The following SI variants were observed in gnomAD, a reference collection of about 807,000 sequenced individuals.
SI encodes sucrase-isomaltase, intestinal.
A neutral mutation model predicts 253.3 loss-of-function variants in SI; 235 were observed. The ratio of observed to expected loss-of-function variants is 0.93; its 90% CI spans 0.83 to 1.03. SI has a LOEUF of 1.03. Ranked by LOEUF, SI falls within the 50% of genes least tolerant of loss-of-function variation. SI has a pLI of 0.00. For synonymous variants in SI, 819 were observed against 712.0 expected, an observed-to-expected ratio of 1.15 and a Z score of -2.39; for missense variants, 2,442 against 2,211.1, an observed-to-expected ratio of 1.10 and a Z score of -2.09.
intron 14 of SI, among the ~76,000 whole-genome samples, chr3:165,049,586 A>C (rs1418048211): frequency 6.6e-6 from 1 of 152,116 alleles, no homozygotes; most frequent in East Asian, 1.9e-4. Flanking sequence ...TTTATGGACC[A>C]ATTTTAAAGC....
Position 164,982,150 on chromosome 3 carries a change from T to C in SI, c.5415+93A>G, listed in dbSNP as rs182048889. On this transcript the variant is annotated intron_variant, in intron 47 of 47. Transcript: ENST00000264382. ...TATGAAGAATGTCATAATTGACTCA[T>C]AATTATGTTTCTTACAGATGAGGGA... 4.0e-5 allele frequency: 36 copies of C among 899,540 alleles called. No individual in the cohort carries two copies. The Admixed American group carries it at 7.3e-4, about 18-fold the overall frequency. 55.7% of individuals were successfully genotyped at this position (899,540 alleles called of 1,614,324 possible).
intron 34 of SI, among the ~76,000 whole-genome samples, chr3:165,011,039 G>T (rs573254692): frequency 6.6e-6 from 1 of 152,088 alleles, no homozygotes; most frequent in African/African-American, 2.4e-5. Flanking sequence ...TTTAATGATT[G>T]TAAATTCATC....
At chr3:165,064,314 A>G (rs185216226) in intron 7 of SI, among the ~76,000 whole-genome samples, 2 of 152,054 alleles carry the variant, frequency 1.3e-5, no homozygotes, top group Admixed American at 1.3e-4. Flanking sequence ...CTGACTAATT[A>G]GATATGGATT....
chr3:165,002,949 C>A (rs1195070064), intron 37 of SI, among the ~76,000 whole-genome samples: 1 of 151,724 alleles, frequency 6.6e-6, no homozygotes. Flanking sequence ...ATATTGATTT[C>A]ATTTTCAAGG....
chr3:165,008,102 T>A lies in SI; in HGVS notation c.4180-104A>T, dbSNP rs528269483. On this transcript the variant is annotated intron_variant, in intron 35 of 47. Coordinates refer to ENST00000264382, the MANE Select transcript of SI (RefSeq NM_001041.4). ...TAAGTAGGTTAACATATTTGAACAA[T>A]GTTATATATACTCACTATTCTAAAC... 122 of 633,530 alleles carry A rather than the reference T, an allele frequency of 1.9e-4. No homozygotes were observed. The African/African-American group carries it at 2.0e-3, about 10-fold the overall frequency. The allele number at this position is 633,530 out of a possible 1,614,324, so 39.2% of individuals were successfully genotyped here. A position where few individuals can be genotyped will look rare whatever the true frequency, so the allele number is the denominator to read the frequency against.
At chr3:164,980,283 TAGAC>T (rs1717117789) in intron 47 of SI, among the ~76,000 whole-genome samples, 1 of 151,976 alleles carries the variant, frequency 6.6e-6, no homozygotes, top group African/African-American at 2.4e-5. Context: ...GAGTATTCGT[TAGAC>T]AGGTTTAAAA....
intron 40 of SI, among the ~76,000 whole-genome samples, chr3:164,995,512 G>T (rs893643392): frequency 6.6e-6 from 1 of 151,658 alleles, no homozygotes; most frequent in African/African-American, 2.4e-5. Flanking sequence ...CTTAAGTAGA[G>T]TTTTCTATCC....
rs762974852 is a variant in SI, at chr3:165,030,699, A to G, written c.2892+13T>C. 2.4e-5 allele frequency: 39 copies of G among 1,606,408 alleles called. No homozygotes were observed. The East Asian group carries it at 7.4e-4, about 30-fold the overall frequency. ...ATAACCATATCATGAGTAATAGTTA[A>G]AATTATTATTACCGTTCTCCATACA... On this transcript the variant is annotated intron_variant, in intron 25 of 47. Coordinates refer to ENST00000264382, the MANE Select transcript of SI (RefSeq NM_001041.4).
rs66946322 is a variant in SI at position 165,065,464 on chromosome 3, A to AATATATATATATAT, written c.636-46_636-33dup. 212 of 209,560 alleles carry AATATATATATATAT rather than the reference A, an allele frequency of 1.0e-3. 7 individuals are homozygous for AATATATATATATAT. The highest frequency in any genetic ancestry group is 3.4e-3 in the African/African-American group (80 of 23,622). The allele number at this position is 209,560 out of a possible 1,614,324, so 13.0% of individuals were successfully genotyped here. A position where few individuals can be genotyped will look rare whatever the true frequency, so the allele number is the denominator to read the frequency against. On this transcript the variant is annotated intron_variant, in intron 6 of 47. Transcript: ENST00000264382. Reference sequence around the variant, plus strand: ...CATAAAAGAAATAAAGAAATAATCTAATATATATATATATATATATATATA... The same window carrying AATATATATATATAT: ...CATAAAAGAAATAAAGAAATAATCTAATATATATATATATATATATATATATATATATATATATA...
rs764264740 is a variant in SI, at chr3:165,043,176, C to G, written c.1888-1G>C. The G allele has an allele frequency of 6.3e-7, 1 of 1,591,854 alleles. No homozygotes were observed. The highest frequency in any genetic ancestry group is 1.1e-5 in the South Asian group (1 of 90,470). On this transcript the variant is annotated splice_acceptor_variant, in intron 16 of 47. Coordinates refer to ENST00000264382, the MANE Select transcript of SI (RefSeq NM_001041.4). LOFTEE classifies it high-confidence loss of function. ...CAAATCCACAGATGTCTGCTCCAACCTAAATAACAAATATATTTACTATTT... is the reference window on the plus strand; with the variant it reads ...CAAATCCACAGATGTCTGCTCCAACGTAAATAACAAATATATTTACTATTT...
intron 17 of SI, among the ~76,000 whole-genome samples, chr3:165,041,310 C>G (rs1305582192): frequency 6.6e-6 from 1 of 151,960 alleles, no homozygotes; most frequent in Non-Finnish European, 1.5e-5. Context: ...GTGGACATTT[C>G]AACATATTTA....
intron 12 of SI, among the ~76,000 whole-genome samples, chr3:165,058,110 A>T (rs1713788748): frequency 6.6e-6 from 1 of 152,028 alleles, no homozygotes; most frequent in African/African-American, 2.4e-5. Flanking sequence ...AATGGAATAA[A>T]ATCAGAAATA....
chr3:165,017,822 A>T lies in SI; in HGVS notation c.3572T>A (p.Ile1191Asn), dbSNP rs1243371246. The change falls in exon 30 of 48, where the codon ATC becomes AAC. Residue 1191 changes from isoleucine to asparagine, a missense_variant. Ile to Asn is a moderately radical substitution (Grantham distance 149). Transcript: ENST00000264382. ...PALTYRTVGG[I>N]LDFYMFLGPT... Reference sequence around the variant, plus strand: ...GCCCAAAAACATATAAAAATCCAAGATCCCTCCAACTGTACGGTAAGTTAG... The same window carrying T: ...GCCCAAAAACATATAAAAATCCAAGTTCCCTCCAACTGTACGGTAAGTTAG... 1.2e-6 allele frequency: 2 copies of T among 1,613,156 alleles called. No homozygotes were observed. Among genetic ancestry groups the T allele is most frequent in the East Asian group, 4.5e-5 (2 of 44,760 alleles).
chr3:165,086,237 A>G, the SI span, among the ~76,000 whole-genome samples: 1 of 152,116 alleles, frequency 6.6e-6, no homozygotes, highest in Non-Finnish European at 1.5e-5. Context: ...CTGGAGCAAC[A>G]AAGCAAGACT....
chr3:165,021,490 C>A, intron 26 of SI, 107 bp from the exon 27 acceptor site: 6 of 889,740 alleles, frequency 6.7e-6, no homozygotes, highest in Non-Finnish European at 1.1e-5. Context: ...TAGAATTTTT[C>A]TCCACATAAT....
chr3:165,048,544 A>AATATATATATACATATATATGTATATAT (rs1713245667), intron 15 of SI, among the ~76,000 whole-genome samples: 1 of 132,880 alleles, frequency 7.5e-6, no homozygotes, highest in Non-Finnish European at 1.6e-5. Flanking sequence ...GTCTTAGTTA[A>AATATATATATACATATATATGTATATAT]ATATATATAT....
chr3:165,016,797 T>C (rs972102056), intron 31 of SI, among the ~76,000 whole-genome samples: 4 of 151,950 alleles, frequency 2.6e-5, no homozygotes, highest in African/African-American at 9.7e-5. Flanking sequence ...GTCAATAATG[T>C]ATACCTCCTT....
chr3:165,040,674 T>C (rs1450375146), intron 18 of SI, among the ~76,000 whole-genome samples: 1 of 152,096 alleles, frequency 6.6e-6, no homozygotes, highest in African/African-American at 2.4e-5. Flanking sequence ...ATTCTATGCT[T>C]AATCTCTTTA....
chr3:165,042,613 C>G (rs1195822832), intron 17 of SI, among the ~76,000 whole-genome samples: 1 of 152,040 alleles, frequency 6.6e-6, no homozygotes, highest in Non-Finnish European at 1.5e-5. Context: ...ACGCTGGACT[C>G]TAATTGTTTT....
Sources: allele counts gnomAD v4.1 joint callset (sites outside exome capture counted in the v4.1 genomes callset), GRCh38; gene constraint gnomAD v4.1.1; transcripts MANE v1.5; gene names NCBI Gene and HGNC (gene_info 2026-07-23, HGNC 2026-07-21).